The following CHCHD3 variants were observed in gnomAD, a reference collection of about 807,000 sequenced individuals.
CHCHD3 encodes MICOS complex subunit MIC19.
In CHCHD3, 20 loss-of-function variants were observed where a neutral mutation model predicts 38.2. The observed-to-expected ratio is 0.52, with a 90% CI of 0.37 to 0.76. CHCHD3 has a LOEUF of 0.76. CHCHD3 is among the 30% of genes least tolerant of loss of function. The pLI is 0.00. For missense variants in CHCHD3, 245 were observed against 279.2 expected, an observed-to-expected ratio of 0.88 and a Z score of 0.87; for synonymous variants, 82 against 100.0, an observed-to-expected ratio of 0.82 and a Z score of 1.07.
chr7:132,825,133 T>A (rs1208109636), intron 6 of CHCHD3, among the ~76,000 whole-genome samples: 1 of 152,190 alleles, frequency 6.6e-6, no homozygotes. Flanking sequence ...GATATGTCTG[T>A]ATTTTCAGGG....
intron 3 of CHCHD3, among the ~76,000 whole-genome samples, chr7:132,984,837 G>A (rs1472862043): frequency 8.5e-6 from 1 of 118,052 alleles, no homozygotes. Context: ...CAGCCACCCG[G>A]TCTGGGAGGG....
In CHCHD3 at chr7:132,997,659, TAAAAAAAAAAAAAAAAAAA is replaced by T. The variant is rs71178073; in HGVS notation, c.252-22392_252-22374del. Among the ~76,000 whole-genome samples, 3 of 81,744 alleles carry T rather than the reference TAAAAAAAAAAAAAAAAAAA, an allele frequency of 3.7e-5. No individual in the cohort carries two copies. In the Admixed American group the frequency reaches 4.3e-4, roughly 12 times the overall value. The allele number at this position is 81,744 out of a possible 152,430, so 53.6% of individuals were successfully genotyped here. A position where few individuals can be genotyped will look rare whatever the true frequency, so the allele number is the denominator to read the frequency against. ...CTTCTCACTGTAACTAACAGGGTTG[TAAAAAAAAAAAAAAAAAAA>T]AAAAAAAAAACAGCAAGAGACCAAA... On this transcript the variant is annotated intron_variant, in intron 3 of 7. Transcript: ENST00000262570.
intron 4 of CHCHD3, among the ~76,000 whole-genome samples, chr7:132,970,196 C>G (rs1811578683): frequency 6.6e-6 from 1 of 152,206 alleles, no homozygotes; most frequent in South Asian, 2.1e-4. Context: ...CGTTTCCAAG[C>G]TTTTGCCTGC....
intron 4 of CHCHD3, among the ~76,000 whole-genome samples, chr7:132,933,150 C>G (rs1044972858): frequency 6.6e-6 from 1 of 152,176 alleles, no homozygotes; most frequent in Non-Finnish European, 1.5e-5. Flanking sequence ...GAACGTTAAA[C>G]AGAACAGTTA....
intron 4 of CHCHD3, among the ~76,000 whole-genome samples, chr7:132,908,023 C>T (rs190782928): frequency 5.5e-4 from 84 of 151,972 alleles, no homozygotes; most frequent in African/African-American, 1.7e-3. Context: ...GAATCACCAC[C>T]GAAACTAGGC....
At chr7:132,894,926 A>T (rs1317824982) in intron 4 of CHCHD3, among the ~76,000 whole-genome samples, 1 of 152,260 alleles carries the variant, frequency 6.6e-6, no homozygotes, top group African/African-American at 2.4e-5. Context: ...TATTCTTATT[A>T]GAAGCTCAAA....
At chr7:133,068,415 G>A (rs1269259644) in intron 2 of CHCHD3, among the ~76,000 whole-genome samples, 1 of 152,182 alleles carries the variant, frequency 6.6e-6, no homozygotes, top group Non-Finnish European at 1.5e-5. Context: ...GGTGATAGGA[G>A]ATGATGAATA....
chr7:132,843,546 T>C (rs1320244488), intron 5 of CHCHD3, among the ~76,000 whole-genome samples: 1 of 152,226 alleles, frequency 6.6e-6, no homozygotes, highest in Non-Finnish European at 1.5e-5. Context: ...ATTCTGCCAA[T>C]GTTGTTGGCA....
chr7:132,905,156 G>A (rs778381544), intron 4 of CHCHD3, among the ~76,000 whole-genome samples: 4 of 151,988 alleles, frequency 2.6e-5, no homozygotes, highest in African/African-American at 4.8e-5. Context: ...TAAACGACGA[G>A]TTAATGGGTG....
chr7:132,906,730 T>C (rs1296065974), intron 4 of CHCHD3, among the ~76,000 whole-genome samples: 1 of 152,100 alleles, frequency 6.6e-6, no homozygotes, highest in African/African-American at 2.4e-5. Context: ...AAAAAAAGAC[T>C]GCCTAGCAGG....
intron 5 of CHCHD3, among the ~76,000 whole-genome samples, chr7:132,852,838 T>C (rs944328787): frequency 6.6e-6 from 1 of 152,202 alleles, no homozygotes; most frequent in Non-Finnish European, 1.5e-5. Context: ...AGAACCTGAC[T>C]TTTTAAAATA....
intron 4 of CHCHD3, among the ~76,000 whole-genome samples, chr7:132,896,331 GTT>G (rs1213572913): frequency 1.2e-4 from 19 of 152,278 alleles, no homozygotes; most frequent in African/African-American, 4.6e-4. Flanking sequence ...ACTGGTTCTG[GTT>G]GTTTAACATT....
chr7:132,858,307 C>G (rs1395194061), intron 5 of CHCHD3, among the ~76,000 whole-genome samples: 1 of 152,194 alleles, frequency 6.6e-6, no homozygotes, highest in Non-Finnish European at 1.5e-5. Flanking sequence ...AGGTGATCCA[C>G]CTGCTTCAGC....
chr7:133,036,481 G>T lies in CHCHD3; in HGVS notation c.170-11854C>A, dbSNP rs139028187. ...CTTTCATTTTACAGTTATAACCACT[G>T]TGTGGGTGTTGGGGGTATATACCAT... On this transcript the variant is annotated intron_variant, in intron 2 of 7. Coordinates refer to ENST00000262570, the MANE Select transcript of CHCHD3 (RefSeq NM_017812.4). 2.1e-4 allele frequency among the ~76,000 whole-genome samples: 32 copies of T among 152,252 alleles called. 1 individual carries two copies. In the East Asian group the frequency reaches 6.0e-3, roughly 28 times the overall value.
At chr7:132,905,050 A>T (rs1409138649) in intron 4 of CHCHD3, among the ~76,000 whole-genome samples, 2 of 149,724 alleles carry the variant, frequency 1.3e-5, no homozygotes, top group Non-Finnish European at 3.0e-5. Context: ...AACAATGAGA[A>T]CACTTTGACG....
chr7:132,786,499 A>T (rs1806321890), intron 7 of CHCHD3, among the ~76,000 whole-genome samples: 1 of 152,244 alleles, frequency 6.6e-6, no homozygotes, highest in Admixed American at 6.5e-5. Flanking sequence ...CTTAACTATC[A>T]GATGAGAACT....
chr7:132,887,416 A>T (rs1809244863), intron 4 of CHCHD3, among the ~76,000 whole-genome samples: 2 of 151,776 alleles, frequency 1.3e-5, no homozygotes, highest in Admixed American at 1.3e-4. Context: ...CTTTAAATTC[A>T]ACATAAAAAC....
intron 5 of CHCHD3, chr7:132,849,228 A>G (rs970387897): frequency 6.6e-6 from 1 of 152,158 alleles, no homozygotes; most frequent in African/African-American, 2.4e-5. Flanking sequence ...TAATCCAAAG[A>G]GCCTGGATTT....
rs546425811 is a variant in CHCHD3 at position 133,063,548 on chromosome 7, A to G, written c.169+6594T>C. ...GCAATAGGGCCAATTACGGACAAAC[A>G]AAAATGCTTATGGGGCTGCTTCTTT... On this transcript the variant is annotated intron_variant, in intron 2 of 7. Transcript: ENST00000262570. Among the ~76,000 whole-genome samples the G allele has an allele frequency of 1.2e-4, 18 of 152,320 alleles. No individual in the cohort carries two copies. The South Asian group carries it at 3.7e-3, about 32-fold the overall frequency.
Sources: gnomAD v4.1 joint callset for allele counts (sites outside exome capture counted in the v4.1 genomes callset) on GRCh38, gnomAD v4.1.1 for gene constraint, MANE v1.5 for transcripts, NCBI Gene and HGNC (gene_info 2026-07-23, HGNC 2026-07-21) for gene names.